STK32B: variants seen among roughly 807,000 people sequenced by gnomAD.
The protein encoded by STK32B is serine/threonine-protein kinase 32B.
In STK32B, 43 loss-of-function variants were observed where a neutral mutation model predicts 52.6. The ratio of observed to expected loss-of-function variants is 0.82; its 90% CI spans 0.64 to 1.05. The LOEUF (loss-of-function observed/expected upper bound fraction) is 1.05. Ranked by LOEUF, STK32B falls within the 50% of genes least tolerant of loss-of-function variation. STK32B has a pLI of 0.00. For missense variants in STK32B, 621 were observed against 534.6 expected (o/e 1.16, Z -1.59); for synonymous variants, 238 against 204.3 (o/e 1.17, Z -1.41).
At chr4:5,482,696 C>T (rs1298184523) in intron 11 of STK32B, among the ~76,000 whole-genome samples, 1 of 152,128 alleles carries the variant, frequency 6.6e-6, no homozygotes, top group Non-Finnish European at 1.5e-5. Context: ...CAGTTTTTCC[C>T]TATTCAGTAT....
chr4:5,117,177 T>G (rs538100942), intron 1 of STK32B, among the ~76,000 whole-genome samples: 69 of 152,246 alleles, frequency 4.5e-4, no homozygotes, highest in South Asian at 2.3e-3. Context: ...AGCACTAAGA[T>G]GAATAGCAGT....
chr4:5,100,011 A>C (rs571158612), intron 1 of STK32B, among the ~76,000 whole-genome samples: 2 of 152,156 alleles, frequency 1.3e-5, no homozygotes, highest in East Asian at 1.9e-4. Flanking sequence ...AAAAAAAAAA[A>C]AAACACTGAA....
chr4:5,077,979 T>C (rs1481606803), intron 1 of STK32B, among the ~76,000 whole-genome samples: 1 of 152,170 alleles, frequency 6.6e-6, no homozygotes, highest in African/African-American at 2.4e-5. Context: ...TTGAAAACCC[T>C]GGTTCTTTCT....
At chr4:5,338,079 GAGA>G (rs1732824954) in intron 4 of STK32B, among the ~76,000 whole-genome samples, 1 of 152,198 alleles carries the variant, frequency 6.6e-6, no homozygotes, top group Non-Finnish European at 1.5e-5. Flanking sequence ...TGAGTGGATA[GAGA>G]AGGATAAATG....
intron 4 of STK32B, among the ~76,000 whole-genome samples, chr4:5,341,559 C>T (rs537742144): frequency 1.3e-5 from 2 of 152,250 alleles, no homozygotes; most frequent in East Asian, 1.9e-4. Flanking sequence ...ATGATTTCGT[C>T]GGTAACTTAC....
At chr4:5,139,825 G>C in intron 1 of STK32B, 80 bp from the exon 2 acceptor site, 1 of 1,538,862 alleles carries the variant, frequency 6.5e-7, no homozygotes, top group Non-Finnish European at 9.0e-7. Flanking sequence ...TAGGTGGGTA[G>C]GTACATAGGT....
At chr4:5,375,113 A>G (rs1013330638) in intron 4 of STK32B, among the ~76,000 whole-genome samples, 1 of 152,118 alleles carries the variant, frequency 6.6e-6, no homozygotes, top group Non-Finnish European at 1.5e-5. Context: ...TGGTCTCACC[A>G]TCTGGCTTCT....
At chr4:5,049,362 G>A (rs1204434081), upstream of STK32B, among the ~76,000 whole-genome samples, 10 of 152,084 alleles carry the variant, frequency 6.6e-5, no homozygotes, top group Non-Finnish European at 1.3e-4. Context: ...TCTGTCATGC[G>A]TGTCCGTGTG....
At chr4:5,498,874 C>G (rs1720498968) in intron 11 of STK32B, 71 bp from the exon 12 acceptor site, 1 of 1,507,352 alleles carries the variant, frequency 6.6e-7, no homozygotes, top group East Asian at 2.4e-5. Flanking sequence ...CCTGCCTGCC[C>G]AGTGTGTCTC....
At chr4:5,344,813 T>G (rs1323581375) in intron 4 of STK32B, among the ~76,000 whole-genome samples, 2 of 152,124 alleles carry the variant, frequency 1.3e-5, no homozygotes, top group Non-Finnish European at 2.9e-5. Flanking sequence ...CACTTCGCAT[T>G]TCTCAAGGCC....
intron 5 of STK32B, among the ~76,000 whole-genome samples, chr4:5,413,965 TG>T (rs1711932543): frequency 6.6e-6 from 1 of 152,224 alleles, no homozygotes; most frequent in Non-Finnish European, 1.5e-5. Flanking sequence ...ATCCCACTTC[TG>T]GGGATTTACT....
intron 4 of STK32B, among the ~76,000 whole-genome samples, chr4:5,361,069 A>G (rs1438364034): frequency 6.6e-6 from 1 of 152,228 alleles, no homozygotes; most frequent in Non-Finnish European, 1.5e-5. Context: ...AAGTAGAATC[A>G]TACAGTCTTC....
intron 3 of STK32B, among the ~76,000 whole-genome samples, chr4:5,317,746 C>G (rs958970200): frequency 4.0e-5 from 6 of 150,764 alleles, no homozygotes; most frequent in African/African-American, 1.5e-4. Flanking sequence ...CAAGTGATTT[C>G]CTTATTTGAA....
chr4:5,315,682 C>CTTT (rs199584251), intron 3 of STK32B, among the ~76,000 whole-genome samples: 24 of 120,526 alleles, frequency 2.0e-4, no homozygotes, highest in African/African-American at 6.4e-4. Flanking sequence ...TTTTCTTTTT[C>CTTT]TTTTTTTTTT....
At chr4:5,129,783 A>G (rs1715638540) in intron 1 of STK32B, among the ~76,000 whole-genome samples, 1 of 152,056 alleles carries the variant, frequency 6.6e-6, no homozygotes, top group African/African-American at 2.4e-5. Flanking sequence ...GATATCCTTA[A>G]CTCCCTAGGC....
intron 3 of STK32B, among the ~76,000 whole-genome samples, chr4:5,199,526 G>A (rs746444214): frequency 6.7e-6 from 1 of 149,714 alleles, no homozygotes; most frequent in African/African-American, 2.5e-5. Context: ...ATCACTGCAT[G>A]TTCCACATTA....
At position 5,460,517 on chromosome 4, in the gene STK32B, T is replaced by TC. The variant is rs1716950236; in HGVS notation, c.909+290dup. Among the ~76,000 whole-genome samples, 2 of 152,166 alleles carry TC rather than the reference T, an allele frequency of 1.3e-5. No individual in the cohort carries two copies. Among genetic ancestry groups the TC allele is most frequent in the South Asian group, 4.1e-4 (2 of 4,832 alleles). ...TCCAGGTGTGGGGATAGCAGGCTGATCTACCCTTCTGCCTCCACAGAGCTG... is the reference window on the plus strand; with the variant it reads ...TCCAGGTGTGGGGATAGCAGGCTGATCCTACCCTTCTGCCTCCACAGAGCTG... On this transcript the variant is annotated intron_variant, in intron 9 of 11. Transcript: ENST00000282908. The surrounding 1 kb of genome is among the most constrained non-coding windows in gnomAD (Gnocchi z 4.8).
chr4:5,164,236 G>A (rs1718685966), intron 2 of STK32B, among the ~76,000 whole-genome samples: 1 of 152,062 alleles, frequency 6.6e-6, no homozygotes, highest in African/African-American at 2.4e-5. Flanking sequence ...TCTGAAGGTG[G>A]GTCTGTCCCA....
Position 5,337,669 on chromosome 4 carries a change from T to A in STK32B, c.434+6276T>A, listed in dbSNP as rs575029771. Among the ~76,000 whole-genome samples, 5 of 152,036 alleles carry A rather than the reference T, an allele frequency of 3.3e-5. No homozygotes were observed. In the East Asian group the frequency reaches 9.7e-4, roughly 30 times the overall value. On this transcript the variant is annotated intron_variant, in intron 4 of 11. Coordinates refer to ENST00000282908, the MANE Select transcript of STK32B (RefSeq NM_018401.3). ...TGCACCTGGCCTTGAGAGATTTATT[T>A]AGCTGGTAAAGAATCTGAAGTTGAG...
Sources: allele counts gnomAD v4.1 joint callset (sites outside exome capture counted in the v4.1 genomes callset), GRCh38; gene constraint gnomAD v4.1.1; non-coding constraint Gnocchi (gnomAD v3.1); transcripts MANE v1.5; gene names NCBI Gene and HGNC (gene_info 2026-07-23, HGNC 2026-07-21).